Variants in COL19A1 observed in about 807,000 individuals in gnomAD.
COL19A1 encodes the protein collagen alpha-1(XIX) chain.
Under a neutral mutation model 190.2 loss-of-function variants are expected in COL19A1, and 159 were observed. That is an observed-to-expected ratio of 0.84 (90% CI 0.73 to 0.95). The LOEUF (loss-of-function observed/expected upper bound fraction) is 0.95. Among genes scored for constraint, COL19A1 ranks in the 40% least tolerant of loss-of-function variants. COL19A1 has a pLI of 0.00. For synonymous variants in COL19A1, 509 were observed against 458.9 expected, an observed-to-expected ratio of 1.11 and a Z score of -1.39; for missense variants, 1,418 against 1,431.9, an observed-to-expected ratio of 0.99 and a Z score of 0.16.
intron 14 of COL19A1, among the ~76,000 whole-genome samples, chr6:70,067,394 T>C (rs1293089639): frequency 2.6e-5 from 4 of 152,078 alleles, no homozygotes; most frequent in African/African-American, 7.2e-5. Flanking sequence ...GAATGAGTTC[T>C]AGATTTCTGG....
intron 47 of COL19A1, 48 bp from the exon 48 acceptor site, chr6:70,190,267 C>A (rs1045784189): frequency 7.4e-7 from 1 of 1,360,446 alleles, no homozygotes; most frequent in Non-Finnish European, 1.0e-6. Context: ...ATTCTTTATT[C>A]ATTTGTGCTA....
chr6:70,151,482 A>G, intron 31 of COL19A1, 44 bp downstream of exon 31: 1 of 1,584,824 alleles, frequency 6.3e-7, no homozygotes, highest in Non-Finnish European at 8.6e-7. Context: ...ATTTCCAGGA[A>G]AAATTAGAAA....
chr6:70,018,605 GA>G (rs1397046761), intron 11 of COL19A1, among the ~76,000 whole-genome samples: 2 of 152,110 alleles, frequency 1.3e-5, no homozygotes, highest in Non-Finnish European at 2.9e-5. Context: ...GCATTCCCCT[GA>G]AACAAGGTCC....
At chr6:70,104,750 C>T (rs970169756) in intron 16 of COL19A1, among the ~76,000 whole-genome samples, 1 of 152,158 alleles carries the variant, frequency 6.6e-6, no homozygotes, top group Non-Finnish European at 1.5e-5. Flanking sequence ...ATTAGACCTT[C>T]GTGTAGTTTT....
At chr6:70,125,437 C>T (rs139536092) in intron 17 of COL19A1, among the ~76,000 whole-genome samples, 21 of 152,198 alleles carry the variant, frequency 1.4e-4, no homozygotes, top group Non-Finnish European at 2.6e-4. Flanking sequence ...GTTCATTTTC[C>T]GGTCCCAGGA....
intron 4 of COL19A1, among the ~76,000 whole-genome samples, chr6:69,920,090 T>C (rs1404910554): frequency 6.6e-6 from 1 of 152,058 alleles, no homozygotes; most frequent in East Asian, 1.9e-4. Context: ...GCACAATTCA[T>C]GCCCCTTGCA....
chr6:70,145,886 G>A (rs6919535), intron 25 of COL19A1, among the ~76,000 whole-genome samples: 74,371 of 151,342 alleles, frequency 0.49, 19,044 homozygotes, highest in African/African-American at 0.63. Context: ...AAGCCTGGCT[G>A]ATTTTTATAT....
rs1353944893 is a variant in COL19A1, at chr6:70,126,056, T to G, written c.1341+4114T>G. On this transcript the variant is annotated intron_variant, in intron 17 of 50. Transcript: ENST00000620364. ...TCCATATTGAAAATGCAGAGTTGTG[T>G]TATCTTACATCACCACACTCGGTCT... is the stretch of plus-strand genomic sequence containing the variant. 2.0e-5 allele frequency among the ~76,000 whole-genome samples: 3 copies of G among 152,284 alleles called. No homozygotes were observed. In the East Asian group the frequency reaches 5.8e-4, roughly 29 times the overall value.
At chr6:70,171,014 C>T (rs1419560632) in intron 40 of COL19A1, among the ~76,000 whole-genome samples, 1 of 152,138 alleles carries the variant, frequency 6.6e-6, no homozygotes, top group African/African-American at 2.4e-5. Context: ...AACAACTCCC[C>T]ACTTTATCTC....
intron 18 of COL19A1, among the ~76,000 whole-genome samples, chr6:70,130,665 G>A (rs940316181): frequency 1.3e-5 from 2 of 152,214 alleles, no homozygotes; most frequent in African/African-American, 2.4e-5. Context: ...AGGGGCCTCC[G>A]CCTGCCTCCT....
intron 48 of COL19A1, among the ~76,000 whole-genome samples, chr6:70,198,954 G>A (rs774782692): frequency 3.9e-4 from 59 of 152,160 alleles, no homozygotes; most frequent in Admixed American, 8.5e-4. Context: ...GGTAGCATCA[G>A]TTCTTCCCCA....
intron 9 of COL19A1, among the ~76,000 whole-genome samples, chr6:69,941,377 A>G (rs901220332): frequency 5.9e-5 from 9 of 152,182 alleles, no homozygotes; most frequent in Non-Finnish European, 1.2e-4. Context: ...CTGCTTTCTT[A>G]TCCACCATAT....
At chr6:69,935,597 A>G (rs2150019020) in intron 7 of COL19A1, among the ~76,000 whole-genome samples, 1 of 152,214 alleles carries the variant, frequency 6.6e-6, no homozygotes, top group East Asian at 1.9e-4. Flanking sequence ...TGGAGAGAGT[A>G]GATTTGAAAG....
chr6:70,055,904 T>C (rs1045449924), intron 14 of COL19A1, among the ~76,000 whole-genome samples: 7 of 152,170 alleles, frequency 4.6e-5, no homozygotes, highest in Non-Finnish European at 7.3e-5. Context: ...TTGTTTTTTT[T>C]CTGGCATTTC....
At chr6:69,895,408 T>C (rs1419007638) in intron 2 of COL19A1, among the ~76,000 whole-genome samples, 1 of 152,238 alleles carries the variant, frequency 6.6e-6, no homozygotes, top group Non-Finnish European at 1.5e-5. Context: ...TCGCAGGACT[T>C]TTCCTTAGTG....
At chr6:69,962,107 G>C (rs1282086095) in intron 10 of COL19A1, among the ~76,000 whole-genome samples, 1 of 152,158 alleles carries the variant, frequency 6.6e-6, no homozygotes, top group African/African-American at 2.4e-5. Context: ...ATGAGTGCCT[G>C]ACATGTAGGA....
At chr6:70,034,806 A>G (rs897861286) in intron 13 of COL19A1, among the ~76,000 whole-genome samples, 1 of 152,218 alleles carries the variant, frequency 6.6e-6, no homozygotes, top group South Asian at 2.1e-4. Flanking sequence ...TGAATAAAGT[A>G]GTTGGGTGAT....
chr6:69,933,265 A>G (rs1772896944), intron 7 of COL19A1, among the ~76,000 whole-genome samples: 1 of 151,900 alleles, frequency 6.6e-6, no homozygotes, highest in Admixed American at 6.6e-5. Context: ...TTTCATCCTT[A>G]TCTTCCATTT....
chr6:69,884,339 CAAA>C (rs201679191), intron 2 of COL19A1, among the ~76,000 whole-genome samples: 6 of 77,922 alleles, frequency 7.7e-5, no homozygotes, highest in Admixed American at 1.4e-4. Flanking sequence ...GACTTTGTCT[CAAA>C]AAAAAAAAAA....
Sources: allele counts gnomAD v4.1 joint callset (sites outside exome capture counted in the v4.1 genomes callset), GRCh38; gene constraint gnomAD v4.1.1; transcripts MANE v1.5; gene names NCBI Gene and HGNC (gene_info 2026-07-23, HGNC 2026-07-21).